The following NLRP10 variants were observed in gnomAD, a reference collection of about 807,000 sequenced individuals.
The protein encoded by NLRP10 is NACHT, LRR and PYD domains-containing protein 10.
A neutral mutation model predicts 8.2 loss-of-function variants in NLRP10; 7 were observed. The observed-to-expected ratio is 0.85, with a 90% CI of 0.48 to 1.60. The LOEUF (loss-of-function observed/expected upper bound fraction) is 1.60, where lower values mean the gene tolerates loss of function less well. Ranked by LOEUF, NLRP10 falls within the 40% of genes most tolerant of loss-of-function variation. The probability of loss-of-function intolerance (pLI) is 0.00; values close to 1 mark genes in which losing one functional copy is unlikely to be tolerated. For missense variants in NLRP10, 814 were observed against 776.3 expected (o/e 1.05, Z -0.58); for synonymous variants, 338 against 314.0 (o/e 1.08, Z -0.81).
chr11:7,960,555 C>T lies in NLRP10; in HGVS notation c.1057G>A (p.Val353Ile). 5 of 1,614,234 alleles carry T rather than the reference C, an allele frequency of 3.1e-6. No homozygotes were observed. Among genetic ancestry groups the T allele is most frequent in the Middle Eastern group, 1.6e-4 (1 of 6,062 alleles). The stretch of plus-strand genomic sequence containing the variant: ...CAGACCACCCAGCAAATGCCTGGAA[C>T]CTGACACGCTTTGTAGAGAATGTCA... ...KNDILYKACQ[V>I]PGICWVVCSW... The change falls in exon 3 of 3, where the codon GTT (valine) becomes ATT (isoleucine). Residue 353 changes from valine (V) to isoleucine (I), a missense_variant. Coordinates refer to ENST00000691676, the MANE Select transcript of NLRP10 (RefSeq NM_001391958.1).
rs1941675459 is a variant in NLRP10, at chr11:7,959,453, A to T, written c.*191T>A. The T allele has an allele frequency of 2.5e-5, 12 of 481,528 alleles. No homozygotes were observed. The South Asian group carries it at 5.5e-4, about 22-fold the overall frequency. 29.8% of individuals were successfully genotyped at this position (481,528 alleles called of 1,614,324 possible). On this transcript the variant is annotated 3_prime_UTR_variant, in exon 3 of 3. Coordinates refer to ENST00000691676, the MANE Select transcript of NLRP10 (RefSeq NM_001391958.1). Reference sequence around the variant, plus strand: ...TCATCTTATCAATGTCCACAAAGTTATTTGCTGGGATCTTGATTGGGATTG... The same window carrying T: ...TCATCTTATCAATGTCCACAAAGTTTTTTGCTGGGATCTTGATTGGGATTG...
chr11:7,960,338 C>T lies in NLRP10; in HGVS notation c.1274G>A (p.Arg425Lys). 1 of 1,614,102 alleles carries T rather than the reference C, an allele frequency of 6.2e-7. No individual in the cohort carries two copies. The highest frequency in any genetic ancestry group is 1.3e-5 in the African/African-American group (1 of 75,046). ...SLAAEGIQHQ[R>K]FLFEEAELRK... The stretch of plus-strand genomic sequence containing the variant: ...GAGCTCAGCTTCTTCAAATAGGAAC[C>T]TCTGGTGCTGAATCCCTTCAGCTGC... The change falls in exon 3 of 3, where the codon AGG (arginine) becomes AAG (lysine). Residue 425 changes from arginine (R) to lysine (K), a missense_variant. Coordinates refer to ENST00000691676, the MANE Select transcript of NLRP10 (RefSeq NM_001391958.1).
chr11:7,963,748 G>A (rs963119588), intron 1 of NLRP10: 2 of 547,038 alleles, frequency 3.7e-6, no homozygotes, highest in Non-Finnish European at 6.5e-6. Flanking sequence ...GTTGGCAAAT[G>A]GGTAGGAAGG....
Position 7,959,708 on chromosome 11 carries a change from T to C in NLRP10, c.1904A>G (p.Gln635Arg). ...GCCTTTTCCAGTAGAAGCTTCCTTTTGTGTTCCTGCTATATTATCTTTGCC... is the reference window on the plus strand; with the variant it reads ...GCCTTTTCCAGTAGAAGCTTCCTTTCGTGTTCCTGCTATATTATCTTTGCC... ...KEGKDNIAGT[Q>R]KEASTGKGRG... The change falls in exon 3 of 3, where the codon CAA (glutamine) becomes CGA (arginine). Residue 635 changes from glutamine to arginine, a missense_variant. Physicochemically the swap from Gln to Arg is conservative, Grantham distance 43. Transcript: ENST00000691676. 1 of 1,602,904 alleles carries C rather than the reference T, an allele frequency of 6.2e-7. No homozygotes were observed. Among genetic ancestry groups the C allele is most frequent in the South Asian group, 1.1e-5 (1 of 88,174 alleles).
chr11:7,961,397 C>T, intron 2 of NLRP10, 75 bp from the exon 3 acceptor site: 1 of 934,764 alleles, frequency 1.1e-6, no homozygotes, highest in South Asian at 1.6e-5. Flanking sequence ...CAAACTGACT[C>T]TGCTCATTAG....
At position 7,961,106 on chromosome 11, in the gene NLRP10, A is replaced by G; in HGVS notation, c.506T>C (p.Val169Ala). The change falls in exon 3 of 3, where the codon GTT becomes GCT. Residue 169 changes from valine (V) to alanine (A), a missense_variant. Coordinates refer to ENST00000691676, the MANE Select transcript of NLRP10 (RefSeq NM_001391958.1). ...AGTGCCAGCCGACCCCTGTAGCACA[A>G]CTAAGGATGGGGCCAGTGAGGGCTT... The part of the protein sequence containing the change: ...GEKPSLAPSL[V>A]VLQGSAGTGK... 2 of 1,614,152 alleles carry G rather than the reference A, an allele frequency of 1.2e-6. No homozygotes were observed. Among genetic ancestry groups the G allele is most frequent in the Non-Finnish European group, 1.7e-6 (2 of 1,180,020 alleles).
chr11:7,959,422 T>G lies in NLRP10; in HGVS notation c.*222A>C, dbSNP rs943790659. The G allele has an allele frequency of 2.2e-6, 1 of 464,020 alleles. No homozygotes were observed. Among genetic ancestry groups the G allele is most frequent in the African/African-American group, 2.0e-5 (1 of 49,284 alleles). 28.7% of individuals were successfully genotyped at this position (464,020 alleles called of 1,614,324 possible). On this transcript the variant is annotated 3_prime_UTR_variant, in exon 3 of 3. Transcript: ENST00000691676. ...AGTCTTTTGCCTTTGCACATAAACA[T>G]TAGAATCATCTTATCAATGTCCACA...
rs1437628896 is a variant in NLRP10 at position 7,959,677 on chromosome 11, C to T, written c.1935G>A (p.Gly645=). The part of the protein sequence containing the change: ...QKEASTGKGR[G]TEETPKNTYI ...AAGTATTTTTTGGTGTTTCCTCTGT[C>T]CCTCTGCCTTTTCCAGTAGAAGCTT... Residue 645 remains glycine (G), a synonymous_variant, in exon 3 of 3, where the codon GGG becomes GGA. Coordinates refer to ENST00000691676, the MANE Select transcript of NLRP10 (RefSeq NM_001391958.1). 2 of 1,586,764 alleles carry T rather than the reference C, an allele frequency of 1.3e-6. No individual in the cohort carries two copies. The highest frequency in any genetic ancestry group is 4.5e-5 in the East Asian group (2 of 44,718).
rs1352084436 is a variant in NLRP10 at position 7,963,525 on chromosome 11, C to A, written c.-30G>T. On this transcript the variant is annotated 5_prime_UTR_variant, in exon 2 of 3. Transcript: ENST00000691676. ...ATCTGGGGGAAGGATCAAGTCCAGA[C>A]CAGAAGACCAGTGACCTGGAGAAAG... 5.7e-6 allele frequency: 9 copies of A among 1,577,684 alleles called. No individual in the cohort carries two copies. In the Admixed American group the frequency reaches 1.2e-4, roughly 22 times the overall value.
In NLRP10 at chr11:7,963,220, A is replaced by G. The variant is rs1310130577; in HGVS notation, c.276T>C (p.His92=). ...NLLELVDQLS[H]ICLHDYREVY... is the part of the protein sequence containing the mutation. ...CTCCACACTCACCATGCAGACAAAT[A>G]TGGCTGAGCTGGTCCACAAGTTCCA... Residue 92 remains histidine, a synonymous_variant, in exon 2 of 3, where the codon CAT becomes CAC. Coordinates refer to ENST00000691676, the MANE Select transcript of NLRP10 (RefSeq NM_001391958.1). 7 of 1,614,036 alleles carry G rather than the reference A, an allele frequency of 4.3e-6. No homozygotes were observed. The East Asian group carries it at 6.7e-5, about 15-fold the overall frequency.
In NLRP10 at chr11:7,960,415, C is replaced by A. The variant is rs956284958; in HGVS notation, c.1197G>T (p.Gly399=). 34 of 1,613,994 alleles carry A rather than the reference C, an allele frequency of 2.1e-5. No homozygotes were observed. Among genetic ancestry groups the A allele is most frequent in the Non-Finnish European group, 2.8e-5 (33 of 1,180,036 alleles). Reference sequence around the variant, plus strand: ...TGTGCCGGGAAAGCTCGGAGCAGCCCCCATCATCATCGGGCGGCAGAAAGG... The same window carrying A: ...TGTGCCGGGAAAGCTCGGAGCAGCCACCATCATCATCGGGCGGCAGAAAGG... ...VSTFLPPDDD[G]GCSELSRHRV... The change falls in exon 3 of 3, where the codon GGG becomes GGT. Residue 399 remains glycine, a synonymous_variant. Transcript: ENST00000691676.
rs776601748 is a variant in NLRP10 at position 7,960,013 on chromosome 11, G to A, written c.1599C>T (p.Phe533=). The A allele has an allele frequency of 2.6e-5, 42 of 1,613,990 alleles. No homozygotes were observed. In the Admixed American group the frequency reaches 2.7e-4, roughly 10 times the overall value. ...CTAAACAGGGAGAAATTCTGAAGCA[G>A]AACTTGAGCTCCAAGTTCGAGAAGC... is the stretch of plus-strand genomic sequence containing the variant. ...KDSFSNLELK[F]CFRISPCLAQ... Residue 533 remains phenylalanine (F), a synonymous_variant, in exon 3 of 3, where the codon TTC becomes TTT. Transcript: ENST00000691676.
In NLRP10 at chr11:7,960,926, T is replaced by C. The variant is rs771532830; in HGVS notation, c.686A>G (p.Asp229Gly). The change falls in exon 3 of 3, where the codon GAC (aspartate) becomes GGC (glycine). Residue 229 changes from aspartate to glycine, a missense_variant. Transcript: ENST00000691676. Reference protein sequence around the residue: ...LEQLLFWCCGDNQAPVTEILR... With the variant: ...LEQLLFWCCGGNQAPVTEILR... ...AATCTCTGTGACAGGGGCTTGATTG[T>C]CCCCGCAGCACCAGAAAAGGAGCTG... 4.3e-6 allele frequency: 7 copies of C among 1,614,026 alleles called. No homozygotes were observed. The East Asian group carries it at 1.6e-4, about 36-fold the overall frequency.
rs1941694550 is a variant in NLRP10, at chr11:7,960,407, G to C, written c.1205C>G (p.Ser402Cys). ...FLPPDDDGGC[S>C]ELSRHRVLRS... ...CAGGACCCTGTGCCGGGAAAGCTCG[G>C]AGCAGCCCCCATCATCATCGGGCGG... Residue 402 changes from serine (S) to cysteine (C), a missense_variant, in exon 3 of 3, where the codon TCC (serine) becomes TGC (cysteine). Coordinates refer to ENST00000691676, the MANE Select transcript of NLRP10 (RefSeq NM_001391958.1). 6.2e-7 allele frequency: 1 copy of C among 1,613,984 alleles called. No homozygotes were observed. Among genetic ancestry groups the C allele is most frequent in the African/African-American group, 1.3e-5 (1 of 75,020 alleles).
Position 7,961,261 on chromosome 11 carries a change from G to A in NLRP10, c.351C>T (p.Val117=), listed in dbSNP as rs778881085. ...RCLEEWQEAG[V]NGRYNQVLLV... Reference sequence around the variant, plus strand: ...GGAGCACCTGGTTGTATCTGCCATTGACTCCTGCTTCCTGCCATTCCTCTA... The same window carrying A: ...GGAGCACCTGGTTGTATCTGCCATTAACTCCTGCTTCCTGCCATTCCTCTA... Residue 117 remains valine (V), a synonymous_variant, in exon 3 of 3, where the codon GTC becomes GTT. Transcript: ENST00000691676. The A allele has an allele frequency of 6.2e-7, 1 of 1,610,722 alleles. No homozygotes were observed. The highest frequency in any genetic ancestry group is 8.5e-7 in the Non-Finnish European group (1 of 1,177,896).
In NLRP10 at chr11:7,960,340, C is replaced by G. The variant is rs1468775559; in HGVS notation, c.1272G>C (p.Gln424His). ...GCTCAGCTTCTTCAAATAGGAACCT[C>G]TGGTGCTGAATCCCTTCAGCTGCTA... The part of the protein sequence containing the change: ...CSLAAEGIQH[Q>H]RFLFEEAELR... The change falls in exon 3 of 3, where the codon CAG becomes CAC. Residue 424 changes from glutamine to histidine, a missense_variant. By Grantham distance (24) the Gln-to-His change is conservative (BLOSUM62 0). Coordinates refer to ENST00000691676, the MANE Select transcript of NLRP10 (RefSeq NM_001391958.1). 6.2e-7 allele frequency: 1 copy of G among 1,614,074 alleles called. No individual in the cohort carries two copies. Among genetic ancestry groups the G allele is most frequent in the Admixed American group, 1.7e-5 (1 of 60,028 alleles).
At position 7,958,550 on chromosome 11, in the gene NLRP10, T is replaced by C. The variant is rs1224364619; in HGVS notation, c.*1094A>G. Among the ~76,000 whole-genome samples, 1 of 152,174 alleles carries C rather than the reference T, an allele frequency of 6.6e-6. No individual in the cohort carries two copies. The highest frequency in any genetic ancestry group is 1.5e-5 in the Non-Finnish European group (1 of 68,034). On this transcript the variant is annotated 3_prime_UTR_variant, in exon 3 of 3. Coordinates refer to ENST00000691676, the MANE Select transcript of NLRP10 (RefSeq NM_001391958.1). ...AATAAGCTGTCTGTTCCAATCTTTT[T>C]ACTCACCTTTTTTTTTTTGAGGCAG...
Position 7,960,503 on chromosome 11 carries a change from C to T in NLRP10, c.1109G>A (p.Arg370Lys), listed in dbSNP as rs78591080. 3.9e-4 allele frequency: 632 copies of T among 1,614,188 alleles called. 10 individuals carry two copies. In the East Asian group the frequency reaches 0.013, roughly 34 times the overall value. The change falls in exon 3 of 3, where the codon AGA becomes AAA. Residue 370 changes from arginine (R) to lysine (K), a missense_variant. Coordinates refer to ENST00000691676, the MANE Select transcript of NLRP10 (RefSeq NM_001391958.1). ...VCSWLQGQME[R>K]GKVVLETPRN... Reference sequence around the variant, plus strand: ...AGGTGTCTCTAAGACAACTTTGCCTCTCTCCATCTGCCCCTGCAGCCAGGA... The same window carrying T: ...AGGTGTCTCTAAGACAACTTTGCCTTTCTCCATCTGCCCCTGCAGCCAGGA...
In NLRP10 at chr11:7,960,306, G is replaced by T; in HGVS notation, c.1306C>A (p.His436Asn). Residue 436 changes from histidine (H) to asparagine (N), a missense_variant, in exon 3 of 3, where the codon CAT becomes AAT. His to Asn is a moderately conservative substitution (Grantham distance 68, BLOSUM62 1). Coordinates refer to ENST00000691676, the MANE Select transcript of NLRP10 (RefSeq NM_001391958.1). ...FLFEEAELRKHNLDGPRLAAF... is the reference protein window; with the variant it reads ...FLFEEAELRKNNLDGPRLAAF... Reference sequence around the variant, plus strand: ...GCAAGCCTGGGGCCATCTAAATTATGTTTCCTGAGCTCAGCTTCTTCAAAT... The same window carrying T: ...GCAAGCCTGGGGCCATCTAAATTATTTTTCCTGAGCTCAGCTTCTTCAAAT... 6.2e-7 allele frequency: 1 copy of T among 1,614,170 alleles called. No individual in the cohort carries two copies. Among genetic ancestry groups the T allele is most frequent in the Non-Finnish European group, 8.5e-7 (1 of 1,180,028 alleles).
Sources: allele counts gnomAD v4.1 joint callset (sites outside exome capture counted in the v4.1 genomes callset), GRCh38; gene constraint gnomAD v4.1.1; transcripts MANE v1.5; gene names NCBI Gene and HGNC (gene_info 2026-07-23, HGNC 2026-07-21).